PPP1R7: variants seen among roughly 807,000 people sequenced by gnomAD.
PPP1R7 encodes the protein protein phosphatase 1 regulatory subunit 22.
Under a neutral mutation model 45.2 loss-of-function variants are expected in PPP1R7, and 18 were observed. The observed-to-expected ratio is 0.40, with a 90% CI of 0.28 to 0.59. The LOEUF (loss-of-function observed/expected upper bound fraction) is 0.59, where lower values mean the gene tolerates loss of function less well. Among genes scored for constraint, PPP1R7 ranks in the 20% least tolerant of loss-of-function variants. The probability of loss-of-function intolerance (pLI) is 0.46; values close to 1 mark genes in which losing one functional copy is unlikely to be tolerated. For missense variants in PPP1R7, 314 were observed against 455.8 expected, an observed-to-expected ratio of 0.69 and a Z score of 2.83; for synonymous variants, 181 against 183.4, an observed-to-expected ratio of 0.99 and a Z score of 0.11.
chr2:241,152,517 A>C (rs2067347613), intron 1 of PPP1R7, among the ~76,000 whole-genome samples: 1 of 152,132 alleles, frequency 6.6e-6, no homozygotes, highest in Admixed American at 6.5e-5. Context: ...ATGGATTTGG[A>C]GGTTTTGGAG....
At chr2:241,181,337 C>T (rs2068002122) in intron 9 of PPP1R7, among the ~76,000 whole-genome samples, 1 of 152,122 alleles carries the variant, frequency 6.6e-6, no homozygotes, top group African/African-American at 2.4e-5. Flanking sequence ...AACTAGCCCT[C>T]CTGCCACAGA....
intron 7 of PPP1R7, among the ~76,000 whole-genome samples, chr2:241,166,106 G>C (rs1251551134): frequency 7.2e-6 from 1 of 139,268 alleles, no homozygotes; most frequent in African/African-American, 2.5e-5. Flanking sequence ...GTTTCACCAC[G>C]TTAGCCAGGA....
chr2:241,175,676 C>A (rs1011530191), intron 9 of PPP1R7, among the ~76,000 whole-genome samples: 1 of 152,156 alleles, frequency 6.6e-6, no homozygotes, highest in African/African-American at 2.4e-5. Flanking sequence ...CTCACTGAAG[C>A]CTTGGCCTCC....
At chr2:241,155,861 C>T (rs1408963571) in intron 2 of PPP1R7, among the ~76,000 whole-genome samples, 1 of 152,230 alleles carries the variant, frequency 6.6e-6, no homozygotes, top group Non-Finnish European at 1.5e-5. Flanking sequence ...GGTGACTTGA[C>T]ACTGTCTTTT....
chr2:241,150,282 G>T, upstream of PPP1R7: 1 of 1,317,192 alleles, frequency 7.6e-7, no homozygotes, highest in South Asian at 2.3e-5. Flanking sequence ...GACTGTTCCG[G>T]CTCCGCCGCC....
chr2:241,157,391 G>A (rs2125484834), intron 2 of PPP1R7, among the ~76,000 whole-genome samples: 1 of 152,348 alleles, frequency 6.6e-6, no homozygotes, highest in South Asian at 2.1e-4. Context: ...CAAACAAAAA[G>A]AGAAAAGCTA....
chr2:241,160,054 T>A (rs2067549814), intron 5 of PPP1R7, among the ~76,000 whole-genome samples: 1 of 152,138 alleles, frequency 6.6e-6, no homozygotes, highest in African/African-American at 2.4e-5. Context: ...GAACAAAACA[T>A]AGTTTCTGCC....
chr2:241,169,847 A>G lies in PPP1R7; in HGVS notation c.886A>G (p.Thr296Ala). 6.2e-7 allele frequency: 1 copy of G among 1,612,180 alleles called. No homozygotes were observed. The highest frequency in any genetic ancestry group is 8.5e-7 in the Non-Finnish European group (1 of 1,178,214). Residue 296 changes from threonine to alanine, a missense_variant, in exon 9 of 10, where the codon ACA becomes GCA. By Grantham distance (58) the Thr-to-Ala change is moderately conservative. Transcript: ENST00000234038. Reference sequence around the variant, plus strand: ...AAAGATTGAAAATATCAGCCATCTAACAGAGCTGCAAGAGTTCTGGGTAAG... The same window carrying G: ...AAAGATTGAAAATATCAGCCATCTAGCAGAGCTGCAAGAGTTCTGGGTAAG... ...IKKIENISHL[T>A]ELQEFWMNDN... is the part of the protein sequence containing the mutation.
intron 5 of PPP1R7, 77 bp from the exon 6 acceptor site, chr2:241,160,255 T>C: frequency 2.9e-6 from 3 of 1,022,420 alleles, no homozygotes; most frequent in Admixed American, 3.0e-5. Context: ...GGACGCCACC[T>C]TTAGTGGTTA....
chr2:241,173,862 AT>A (rs936100530), intron 9 of PPP1R7, among the ~76,000 whole-genome samples: 4 of 150,078 alleles, frequency 2.7e-5, no homozygotes, highest in African/African-American at 9.8e-5. Flanking sequence ...CATGTCATGA[AT>A]TTTTTATTTC....
At chr2:241,175,873 G>T (rs191075597) in intron 9 of PPP1R7, among the ~76,000 whole-genome samples, 1 of 152,286 alleles carries the variant, frequency 6.6e-6, no homozygotes, top group East Asian at 1.9e-4. Context: ...CCGCTTTCCA[G>T]GTTCAAACGA....
At chr2:241,154,630 G>A (rs1363658636) in intron 2 of PPP1R7, among the ~76,000 whole-genome samples, 3 of 151,998 alleles carry the variant, frequency 2.0e-5, no homozygotes, top group Non-Finnish European at 4.4e-5. Flanking sequence ...GCTTGAACCA[G>A]GGAGGCAGAG....
chr2:241,176,755 C>G (rs932453462), intron 9 of PPP1R7, among the ~76,000 whole-genome samples: 1 of 152,206 alleles, frequency 6.6e-6, no homozygotes. Flanking sequence ...GCCACTGTGC[C>G]TGGCCATATC....
In PPP1R7 at chr2:241,153,484, C is replaced by G. The variant is rs199502113; in HGVS notation, c.61C>G (p.Arg21Gly). 1 of 1,613,942 alleles carries G rather than the reference C, an allele frequency of 6.2e-7. No individual in the cohort carries two copies. The highest frequency in any genetic ancestry group is 1.7e-5 in the Admixed American group (1 of 60,006). The change falls in exon 2 of 10, where the codon CGG (arginine) becomes GGG (glycine). Residue 21 changes from arginine (R) to glycine (G), a missense_variant. Transcript: ENST00000234038. ...GACATGTGTGGGTTCAGTTGACAGG[C>G]GGGTCGAGTCTGAAGAATCCGGCGA... Reference protein sequence around the residue: ...QSQEMMEVDRRVESEESGDEE... With the variant: ...QSQEMMEVDRGVESEESGDEE...
At chr2:241,181,390 G>A (rs905947705) in intron 9 of PPP1R7, among the ~76,000 whole-genome samples, 3 of 152,092 alleles carry the variant, frequency 2.0e-5, no homozygotes, top group African/African-American at 7.2e-5. Flanking sequence ...GCAGTGGACA[G>A]CAGGCAGCAC....
chr2:241,167,514 G>A (rs1010200594), intron 8 of PPP1R7, among the ~76,000 whole-genome samples: 19 of 152,202 alleles, frequency 1.2e-4, no homozygotes, highest in Non-Finnish European at 2.8e-4. Flanking sequence ...GTTGGGGCCG[G>A]GTGGGGTGCG....
intron 3 of PPP1R7, 50 bp downstream of exon 3, chr2:241,157,912 G>A (rs1310721747): frequency 6.4e-7 from 1 of 1,557,026 alleles, no homozygotes; most frequent in East Asian, 2.2e-5. Context: ...GGACCACCCT[G>A]TCAGGTTATC....
chr2:241,156,769 G>C (rs185718341), intron 2 of PPP1R7, among the ~76,000 whole-genome samples: 19 of 152,278 alleles, frequency 1.2e-4, no homozygotes, highest in Admixed American at 1.2e-3. Flanking sequence ...AGTAAACTAA[G>C]GAAAGAAATG....
intron 2 of PPP1R7, among the ~76,000 whole-genome samples, chr2:241,154,703 A>G (rs1475838268): frequency 1.3e-5 from 1 of 78,374 alleles, no homozygotes; most frequent in Non-Finnish European, 3.7e-5. Flanking sequence ...ACTCCATCTC[A>G]AAACAAAAAA....
Sources: gnomAD v4.1 joint callset for allele counts (sites outside exome capture counted in the v4.1 genomes callset) on GRCh38, gnomAD v4.1.1 for gene constraint, MANE v1.5 for transcripts, NCBI Gene and HGNC (gene_info 2026-07-23, HGNC 2026-07-21) for gene names.